ZPBP: variants seen among roughly 807,000 people sequenced by gnomAD.
The protein encoded by ZPBP is zona pellucida-binding protein 1.
A neutral mutation model predicts 44.8 loss-of-function variants in ZPBP; 26 were observed. The ratio of observed to expected loss-of-function variants is 0.58; its 90% confidence interval spans 0.43 to 0.81. The LOEUF is 0.81. Ranked by LOEUF, ZPBP falls within the 30% of genes least tolerant of loss-of-function variation. ZPBP has a pLI of 0.00. For synonymous variants in ZPBP, 174 were observed against 153.2 expected (o/e 1.14, Z -1.00); for missense variants, 409 against 434.0 (o/e 0.94, Z 0.51).
At chr7:49,871,867 G>A (rs1485190615) in intron 2 of ZPBP, among the ~76,000 whole-genome samples, 5 of 140,364 alleles carry the variant, frequency 3.6e-5, no homozygotes, top group African/African-American at 1.3e-4. Flanking sequence ...ACATACATAT[G>A]TGCATATATA....
intron 1 of ZPBP, chr7:49,920,770 T>C (rs958351299): frequency 5.3e-5 from 8 of 152,214 alleles, no homozygotes; most frequent in Non-Finnish European, 7.3e-5. Flanking sequence ...ATAAACTCAG[T>C]ATTTGAAAAC....
intron 4 of ZPBP, among the ~76,000 whole-genome samples, chr7:50,057,098 T>C (rs932124701): frequency 4.0e-5 from 6 of 151,418 alleles, no homozygotes; most frequent in African/African-American, 1.2e-4. Context: ...GGCAGGAGAA[T>C]TGCTTGAACC....
intron 2 of ZPBP, among the ~76,000 whole-genome samples, chr7:49,891,509 C>T (rs1385262955): frequency 6.6e-6 from 1 of 152,076 alleles, no homozygotes; most frequent in Non-Finnish European, 1.5e-5. Context: ...TCAAAAGACA[C>T]ATATTAGCAG....
At chr7:49,955,439 C>A (rs1404230452) in intron 7 of ZPBP, among the ~76,000 whole-genome samples, 1 of 152,146 alleles carries the variant, frequency 6.6e-6, no homozygotes, top group East Asian at 1.9e-4. Flanking sequence ...TGCCTTTAAT[C>A]CCAGCTGCTC....
chr7:49,890,923 T>TAA (rs76976636), intron 2 of ZPBP, among the ~76,000 whole-genome samples: 2 of 150,138 alleles, frequency 1.3e-5, no homozygotes, highest in East Asian at 1.9e-4. Flanking sequence ...TAAACAGGCA[T>TAA]AAAAAAAAGG....
intron 2 of ZPBP, among the ~76,000 whole-genome samples, chr7:50,083,360 C>T (rs948040828): frequency 6.6e-6 from 1 of 151,858 alleles, no homozygotes; most frequent in African/African-American, 2.4e-5. Flanking sequence ...CAGGCTCTAA[C>T]AAAAGACATA....
intron 7 of ZPBP, among the ~76,000 whole-genome samples, chr7:49,969,955 G>A (rs574155569): frequency 6.6e-6 from 1 of 152,104 alleles, no homozygotes; most frequent in South Asian, 2.1e-4. Flanking sequence ...TGCCACCCGG[G>A]TTCAAGTGAT....
In ZPBP at chr7:50,001,018, T is replaced by C. The variant is rs539258903; in HGVS notation, c.783+17222A>G. Among the ~76,000 whole-genome samples the C allele has an allele frequency of 3.5e-4, 53 of 152,166 alleles. 4 individuals carry two copies. The South Asian group carries it at 0.011, about 32-fold the overall frequency. ...ACACACATACAAAGAGGAAAGACCATGTGAAGACATGGCCATCTGCATGCC... is the reference window on the plus strand; with the variant it reads ...ACACACATACAAAGAGGAAAGACCACGTGAAGACATGGCCATCTGCATGCC... On this transcript the variant is annotated intron_variant, in intron 6 of 7. Transcript: ENST00000046087.
chr7:50,000,739 T>TA (rs1406215332), intron 6 of ZPBP, among the ~76,000 whole-genome samples: 1 of 152,090 alleles, frequency 6.6e-6, no homozygotes, highest in Non-Finnish European at 1.5e-5. Flanking sequence ...AAAAGAAAAA[T>TA]AAAAAACCTA....
intron 3 of ZPBP, 115 bp downstream of exon 3, chr7:50,081,659 C>T (rs1386812886): frequency 6.0e-6 from 8 of 1,329,230 alleles, no homozygotes; most frequent in South Asian, 2.5e-5. Flanking sequence ...AAGGAAATCA[C>T]AAGAAAAAGA....
downstream of ZPBP, among the ~76,000 whole-genome samples, chr7:49,846,347 A>G (rs2128714897): frequency 6.6e-6 from 1 of 152,310 alleles, no homozygotes; most frequent in African/African-American, 2.4e-5. Flanking sequence ...CACTTCTGTG[A>G]TCTGGTCTCT....
At position 50,089,652 on chromosome 7, in the gene ZPBP, A is replaced by G. The variant is rs1802849838; in HGVS notation, c.185T>C (p.Ile62Thr). 1 of 1,610,838 alleles carries G rather than the reference A, an allele frequency of 6.2e-7. No homozygotes were observed. ...AFRLTKDSVK[I>T]VGSTSFPVKA... ...ACCTGGAAAACTTGTTGATCCCACT[A>G]TTTTCACTGAATCTTTGGTCAAGCG... The change falls in exon 2 of 8, where the codon ATA becomes ACA. Residue 62 changes from isoleucine (I) to threonine (T), a missense_variant. Coordinates refer to ENST00000046087, the MANE Select transcript of ZPBP (RefSeq NM_007009.3).
chr7:49,964,970 C>T (rs868041060), intron 7 of ZPBP, among the ~76,000 whole-genome samples: 6 of 152,188 alleles, frequency 3.9e-5, no homozygotes, highest in Middle Eastern at 3.4e-3. Context: ...AATGTTCACA[C>T]AGGGCTGAGA....
intron 3 of ZPBP, among the ~76,000 whole-genome samples, chr7:50,059,130 T>C (rs1301232719): frequency 6.6e-6 from 1 of 152,232 alleles, no homozygotes; most frequent in Admixed American, 6.5e-5. Flanking sequence ...TAGTCTGATA[T>C]TCCATTCATT....
chr7:50,076,425 G>C lies in ZPBP; in HGVS notation c.334+5349C>G, dbSNP rs1158987909. On this transcript the variant is annotated intron_variant, in intron 3 of 7. Coordinates refer to ENST00000046087, the MANE Select transcript of ZPBP (RefSeq NM_007009.3). Reference sequence around the variant, plus strand: ...CTGGAAGTCCTGGCTAGAGCAATCAGACAAGATAGATACAAAGGCATCCAA... The same window carrying C: ...CTGGAAGTCCTGGCTAGAGCAATCACACAAGATAGATACAAAGGCATCCAA... Among the ~76,000 whole-genome samples, 3 of 151,974 alleles carry C rather than the reference G, an allele frequency of 2.0e-5. No homozygotes were observed. The East Asian group carries it at 5.8e-4, about 29-fold the overall frequency.
intron 4 of ZPBP, among the ~76,000 whole-genome samples, chr7:50,047,526 C>T: frequency 6.6e-6 from 1 of 152,008 alleles, no homozygotes; most frequent in East Asian, 1.9e-4. Flanking sequence ...AGGGAAGTCG[C>T]AGCAGGAACT....
At chr7:50,054,180 T>C (rs1345460027) in intron 4 of ZPBP, among the ~76,000 whole-genome samples, 1 of 151,790 alleles carries the variant, frequency 6.6e-6, no homozygotes, top group Non-Finnish European at 1.5e-5. Flanking sequence ...ATTTTCTAGA[T>C]AGGAAACAAT....
chr7:50,019,612 T>C (rs1416931953), intron 5 of ZPBP, among the ~76,000 whole-genome samples: 1 of 152,120 alleles, frequency 6.6e-6, no homozygotes, highest in Non-Finnish European at 1.5e-5. Context: ...AAATTGATCA[T>C]AAAAGTATGA....
chr7:49,908,998 G>T (rs947778992), intron 1 of ZPBP, among the ~76,000 whole-genome samples: 15 of 152,174 alleles, frequency 9.9e-5, no homozygotes, highest in African/African-American at 3.6e-4. Flanking sequence ...ATTAATTCAG[G>T]TAAAGACTTT....
Sources: gnomAD v4.1 joint callset for allele counts (sites outside exome capture counted in the v4.1 genomes callset) on GRCh38, gnomAD v4.1.1 for gene constraint, MANE v1.5 for transcripts, NCBI Gene and HGNC (gene_info 2026-07-23, HGNC 2026-07-21) for gene names.